SYT9: variants seen among roughly 807,000 people sequenced by gnomAD.
SYT9 encodes synaptotagmin-9.
Under a neutral mutation model 48.4 loss-of-function variants are expected in SYT9, and 22 were observed. The ratio of observed to expected loss-of-function variants is 0.45; its 90% CI spans 0.32 to 0.65. The LOEUF is 0.65. Among genes scored for constraint, SYT9 ranks in the 30% least tolerant of loss-of-function variants. The pLI, the probability that SYT9 is intolerant of heterozygous loss-of-function variation, is 0.03. For missense variants in SYT9, 577 were observed against 622.0 expected (o/e 0.93, Z 0.77); for synonymous variants, 265 against 245.0 (o/e 1.08, Z -0.76).
chr11:7,354,414 C>A (rs1849977951), intron 3 of SYT9, among the ~76,000 whole-genome samples: 1 of 152,232 alleles, frequency 6.6e-6, no homozygotes, highest in African/African-American at 2.4e-5. Context: ...CAAATCCTGG[C>A]AGAACCAACA....
intron 6 of SYT9, among the ~76,000 whole-genome samples, chr11:7,462,502 C>G (rs545316140): frequency 1.3e-5 from 2 of 152,276 alleles, no homozygotes; most frequent in African/African-American, 4.8e-5. Flanking sequence ...ATAGAATGTC[C>G]TCTTTACAGA....
chr11:7,342,712 G>A (rs1481076746), intron 3 of SYT9, among the ~76,000 whole-genome samples: 2 of 152,188 alleles, frequency 1.3e-5, no homozygotes, highest in Non-Finnish European at 2.9e-5. Flanking sequence ...TCTTCTCACA[G>A]CTCCAGTAGG....
At chr11:7,413,028 T>A (rs1462470887) in intron 3 of SYT9, among the ~76,000 whole-genome samples, 1 of 152,164 alleles carries the variant, frequency 6.6e-6, no homozygotes, top group East Asian at 1.9e-4. Context: ...GGTAATATGT[T>A]CAGGCATGGC....
chr11:7,403,642 T>C (rs1846942923), intron 3 of SYT9, among the ~76,000 whole-genome samples: 1 of 152,250 alleles, frequency 6.6e-6, no homozygotes, highest in African/African-American at 2.4e-5. Context: ...TCATTATTTA[T>C]TTCTAATTTA....
Position 7,318,885 on chromosome 11 carries a change from C to G in SYT9, c.1044+4944C>G, listed in dbSNP as rs199581543. On this transcript the variant is annotated intron_variant, in intron 3 of 6. Coordinates refer to ENST00000318881, the MANE Select transcript of SYT9 (RefSeq NM_175733.4). ...TTCAGTTTGATAATATTTCATTTAG[C>G]ATTTTATTTCTTCTGTGCTCATGAG... Among the ~76,000 whole-genome samples the G allele has an allele frequency of 2.2e-4, 33 of 152,246 alleles. No homozygotes were observed. In the East Asian group the frequency reaches 6.2e-3, roughly 29 times the overall value.
At chr11:7,293,152 T>G (rs1057299320) in intron 1 of SYT9, among the ~76,000 whole-genome samples, 1 of 152,178 alleles carries the variant, frequency 6.6e-6, no homozygotes, top group Non-Finnish European at 1.5e-5. Flanking sequence ...GTTCTCTCAA[T>G]GCTAATTTTA....
chr11:7,322,835 T>C (rs1279995015), intron 3 of SYT9, among the ~76,000 whole-genome samples: 17 of 152,196 alleles, frequency 1.1e-4, no homozygotes, highest in Non-Finnish European at 8.8e-5. Context: ...ATCTGTATAC[T>C]GAATTTTATA....
At chr11:7,443,942 C>A (rs1160947175) in intron 6 of SYT9, among the ~76,000 whole-genome samples, 1 of 152,158 alleles carries the variant, frequency 6.6e-6, no homozygotes, top group Non-Finnish European at 1.5e-5. Flanking sequence ...GCAGCCATTC[C>A]AGTTTACTAT....
intron 3 of SYT9, among the ~76,000 whole-genome samples, chr11:7,317,024 T>C (rs1195900237): frequency 1.3e-5 from 2 of 151,778 alleles, no homozygotes; most frequent in East Asian, 3.8e-4. Context: ...GGTTATGTGT[T>C]TTACAAACAT....
chr11:7,321,035 T>G (rs940621857), intron 3 of SYT9, among the ~76,000 whole-genome samples: 2 of 152,098 alleles, frequency 1.3e-5, no homozygotes, highest in South Asian at 2.1e-4. Flanking sequence ...AGGAATCTCT[T>G]TCTTGGTGGT....
intron 1 of SYT9, among the ~76,000 whole-genome samples, chr11:7,255,134 C>A (rs891588569): frequency 6.6e-6 from 1 of 152,178 alleles, no homozygotes; most frequent in Non-Finnish European, 1.5e-5. Context: ...AATTAGAATG[C>A]TCTGTTGGTT....
chr11:7,287,052 A>G (rs1026400129), intron 1 of SYT9, among the ~76,000 whole-genome samples: 2 of 152,174 alleles, frequency 1.3e-5, no homozygotes, highest in Non-Finnish European at 1.5e-5. Flanking sequence ...ATTTACCGTG[A>G]TAGTCCATTC....
chr11:7,272,494 T>A (rs1848315824), intron 1 of SYT9, among the ~76,000 whole-genome samples: 1 of 152,182 alleles, frequency 6.6e-6, no homozygotes, highest in African/African-American at 2.4e-5. Context: ...TTTTTTTTCC[T>A]TCTGCATACC....
At chr11:7,269,216 G>T (rs570037483) in intron 1 of SYT9, among the ~76,000 whole-genome samples, 2 of 151,924 alleles carry the variant, frequency 1.3e-5, no homozygotes, top group African/African-American at 2.4e-5. Flanking sequence ...AAATCAGTTG[G>T]GGGGGTGGGA....
intron 3 of SYT9, among the ~76,000 whole-genome samples, chr11:7,386,772 A>G (rs1240464911): frequency 1.3e-5 from 2 of 152,196 alleles, no homozygotes; most frequent in East Asian, 3.8e-4. Flanking sequence ...TAGAAATACC[A>G]TTTGACCCAG....
rs569561501 is a variant in SYT9, at chr11:7,411,638, G to T, written c.1045-4404G>T. Among the ~76,000 whole-genome samples, 5 of 152,230 alleles carry T rather than the reference G, an allele frequency of 3.3e-5. No homozygotes were observed. In the East Asian group the frequency reaches 9.6e-4, roughly 29 times the overall value. On this transcript the variant is annotated intron_variant, in intron 3 of 6. Coordinates refer to ENST00000318881, the MANE Select transcript of SYT9 (RefSeq NM_175733.4). ...GACTAGACACTTTTGTCTTGCTGTTGTTGGAATCCCCTCTTTATCTTTGAC... is the reference window on the plus strand; with the variant it reads ...GACTAGACACTTTTGTCTTGCTGTTTTTGGAATCCCCTCTTTATCTTTGAC...
At chr11:7,345,283 A>C (rs1376841420) in intron 3 of SYT9, among the ~76,000 whole-genome samples, 1 of 152,164 alleles carries the variant, frequency 6.6e-6, no homozygotes, top group African/African-American at 2.4e-5. Context: ...GTGTCTCTGA[A>C]ACTTTCTCCA....
chr11:7,309,419 G>C (rs1462499558), intron 2 of SYT9, among the ~76,000 whole-genome samples: 3 of 152,148 alleles, frequency 2.0e-5, no homozygotes, highest in African/African-American at 7.2e-5. Flanking sequence ...TCAGAGGACT[G>C]TCTGCTTCAG....
chr11:7,312,329 T>A (rs1172065661), intron 2 of SYT9, among the ~76,000 whole-genome samples: 1 of 152,194 alleles, frequency 6.6e-6, no homozygotes, highest in East Asian at 1.9e-4. Flanking sequence ...TTACTCTGCC[T>A]CTCCAACTGT....
Sources: gnomAD v4.1 joint callset for allele counts (sites outside exome capture counted in the v4.1 genomes callset) on GRCh38, gnomAD v4.1.1 for gene constraint, MANE v1.5 for transcripts, NCBI Gene and HGNC (gene_info 2026-07-23, HGNC 2026-07-21) for gene names.